The following ADAM17 variants were observed in gnomAD, a reference collection of about 807,000 sequenced individuals.
ADAM17 encodes disintegrin and metalloproteinase domain-containing protein 17.
A neutral mutation model predicts 96.7 loss-of-function variants in ADAM17; 39 were observed. The observed-to-expected ratio is 0.40, with a 90% CI of 0.31 to 0.53. The LOEUF (loss-of-function observed/expected upper bound fraction) is 0.53, where lower values mean the gene tolerates loss of function less well. ADAM17 is among the 20% of genes least tolerant of loss of function. The probability of loss-of-function intolerance (pLI) is 0.44; values close to 1 mark genes in which losing one functional copy is unlikely to be tolerated. For synonymous variants in ADAM17, 344 were observed against 359.2 expected, an observed-to-expected ratio of 0.96 and a Z score of 0.48; for missense variants, 777 against 1,013.2, an observed-to-expected ratio of 0.77 and a Z score of 3.17.
chr2:9,499,413 T>A (rs942876994), intron 13 of ADAM17, among the ~76,000 whole-genome samples: 4 of 152,164 alleles, frequency 2.6e-5, no homozygotes, highest in Admixed American at 6.5e-5. Context: ...TTTTTTGGTT[T>A]TTTTTTGAGA....
intron 2 of ADAM17, among the ~76,000 whole-genome samples, chr2:9,538,233 C>T (rs894855840): frequency 6.6e-6 from 1 of 152,134 alleles, no homozygotes; most frequent in African/African-American, 2.4e-5. Context: ...GTATATTATT[C>T]ATCTCACCCA....
chr2:9,512,959 C>T (rs1424055342), intron 10 of ADAM17, among the ~76,000 whole-genome samples: 2 of 152,060 alleles, frequency 1.3e-5, no homozygotes, highest in African/African-American at 4.8e-5. Flanking sequence ...TTCCAGACCT[C>T]GCCCTATGTA....
intron 1 of ADAM17, among the ~76,000 whole-genome samples, chr2:9,548,153 C>G (rs1244692959): frequency 6.6e-6 from 1 of 151,126 alleles, no homozygotes; most frequent in Non-Finnish European, 1.5e-5. Flanking sequence ...GCCAACGTGG[C>G]AAAACCCTGT....
At position 9,505,232 on chromosome 2, in the gene ADAM17, A is replaced by G; in HGVS notation, c.1478T>C (p.Ile493Thr). ...GCAGGTGTCGTTGTTCAGATACATG[A>G]TGCCAGGATCACACTCTTCTCCTTC... ...VDEGEECDPG[I>T]MYLNNDTCCN... The change falls in exon 12 of 19, where the codon ATC (isoleucine) becomes ACC (threonine). Residue 493 changes from isoleucine (I) to threonine (T), a missense_variant. Ile to Thr is a moderately conservative substitution (Grantham distance 89, BLOSUM62 -1). This residue lies in a region of ADAM17 where 446 missense variants were observed against 664.7 expected (regional missense o/e 0.67). Coordinates refer to ENST00000310823, the MANE Select transcript of ADAM17 (RefSeq NM_003183.6). 6.2e-7 allele frequency: 1 copy of G among 1,614,128 alleles called. No homozygotes were observed. Among genetic ancestry groups the G allele is most frequent in the South Asian group, 1.1e-5 (1 of 91,078 alleles).
chr2:9,513,318 A>G (rs1331306884), intron 10 of ADAM17, among the ~76,000 whole-genome samples: 1 of 152,184 alleles, frequency 6.6e-6, no homozygotes, highest in Non-Finnish European at 1.5e-5. Context: ...AAAATATCCT[A>G]TGTAATAAAC....
At chr2:9,552,634 T>C (rs1665619580) in intron 1 of ADAM17, among the ~76,000 whole-genome samples, 1 of 152,216 alleles carries the variant, frequency 6.6e-6, no homozygotes, top group Admixed American at 6.5e-5. Context: ...CTGTGACCTA[T>C]ATTTTTTCCT....
chr2:9,553,314 C>G (rs1380086484), intron 1 of ADAM17, among the ~76,000 whole-genome samples: 1 of 151,782 alleles, frequency 6.6e-6, no homozygotes, highest in African/African-American at 2.4e-5. Context: ...AGATGGATAT[C>G]GTCTGATCTT....
intron 14 of ADAM17, 97 bp downstream of exon 14, chr2:9,497,017 C>G (rs1454460163): frequency 6.5e-7 from 1 of 1,540,418 alleles, no homozygotes; most frequent in African/African-American, 1.4e-5. Context: ...GATCTCACCA[C>G]TGCTGTCATT....
Position 9,493,706 on chromosome 2 carries a change from T to C in ADAM17, c.1993+41A>G, listed in dbSNP as rs773744212. On this transcript the variant is annotated intron_variant, in intron 16 of 18. Coordinates refer to ENST00000310823, the MANE Select transcript of ADAM17 (RefSeq NM_003183.6). ...CACTTTTCTAATGTCATCACAGAAA[T>C]TGACTCAGCTCTCAGTAAGTAATCT... 18 of 1,542,646 alleles carry C rather than the reference T, an allele frequency of 1.2e-5. No homozygotes were observed. The African/African-American group carries it at 1.6e-4, about 14-fold the overall frequency.
intron 12 of ADAM17, among the ~76,000 whole-genome samples, chr2:9,502,911 C>T (rs1374823568): frequency 7.6e-6 from 1 of 132,268 alleles, no homozygotes; most frequent in African/African-American, 3.0e-5. Context: ...AAAGATGAGG[C>T]AGGTGGACCA....
At position 9,535,292 on chromosome 2, in the gene ADAM17, G is replaced by A. The variant is rs867531391; in HGVS notation, c.450+542C>T. Among the ~76,000 whole-genome samples the A allele has an allele frequency of 3.9e-5, 6 of 152,208 alleles. No individual in the cohort carries two copies. In the East Asian group the frequency reaches 5.8e-4, roughly 15 times the overall value. The stretch of plus-strand genomic sequence containing the variant: ...CTTCAATTCACAATTATGAGGAAAC[G>A]TTTTGTTTTGTAGACTAATATCTGA... On this transcript the variant is annotated intron_variant, in intron 4 of 18. Transcript: ENST00000310823.
intron 18 of ADAM17, 26 bp downstream of exon 18, chr2:9,491,075 A>ATGT (rs1181179230): frequency 6.2e-7 from 1 of 1,604,698 alleles, no homozygotes; most frequent in Non-Finnish European, 8.5e-7. Context: ...GGCGAAGATT[A>ATGT]TGTTTCTTTC....
At chr2:9,516,367 G>C (rs1239424297) in intron 10 of ADAM17, among the ~76,000 whole-genome samples, 1 of 152,162 alleles carries the variant, frequency 6.6e-6, no homozygotes, top group African/African-American at 2.4e-5. Context: ...GAAGATTATA[G>C]GAATGAGCCA....
chr2:9,553,510 C>G (rs1665646881), intron 1 of ADAM17, among the ~76,000 whole-genome samples: 1 of 151,582 alleles, frequency 6.6e-6, no homozygotes, highest in Non-Finnish European at 1.5e-5. Flanking sequence ...CCCATCTCTA[C>G]TAAAAATACA....
chr2:9,555,395 G>A (rs1281076338), intron 1 of ADAM17, 114 bp downstream of exon 1: 2 of 845,914 alleles, frequency 2.4e-6, no homozygotes, highest in Admixed American at 3.1e-5. Flanking sequence ...ACTTAGGGAC[G>A]CGCCACCATC....
At chr2:9,492,703 T>C (rs887311359) in intron 17 of ADAM17, among the ~76,000 whole-genome samples, 195 bp downstream of exon 17, 3 of 152,062 alleles carry the variant, frequency 2.0e-5, no homozygotes, top group Non-Finnish European at 2.9e-5. Context: ...CACACAAAAA[T>C]AGTATTTTTT....
At chr2:9,515,789 C>T (rs879775588) in intron 10 of ADAM17, among the ~76,000 whole-genome samples, 21 of 151,808 alleles carry the variant, frequency 1.4e-4, no homozygotes, top group Non-Finnish European at 2.6e-4. Context: ...AACTGCCTTC[C>T]AAAGTGGCTG....
chr2:9,493,838 A>AACAT lies in ADAM17; in HGVS notation c.1915-17_1915-14dup, dbSNP rs1662349744. 1 of 1,606,328 alleles carries AACAT rather than the reference A, an allele frequency of 6.2e-7. No individual in the cohort carries two copies. ...TCTCACATTTGCCCTATGAAGAAAA[A>AACAT]ACATACATACAGCATCATTCCCAAA... is the stretch of plus-strand genomic sequence containing the variant. On this transcript the variant is annotated splice_polypyrimidine_tract_variant and intron_variant, in intron 15 of 18. Coordinates refer to ENST00000310823, the MANE Select transcript of ADAM17 (RefSeq NM_003183.6).
intron 10 of ADAM17, 37 bp from the exon 11 acceptor site, chr2:9,510,168 A>T (rs537660719): frequency 6.2e-7 from 1 of 1,610,788 alleles, no homozygotes; most frequent in East Asian, 2.2e-5. Context: ...ATTTCTCAAT[A>T]TCCAGCCATC....
Sources: allele counts gnomAD v4.1 joint callset (sites outside exome capture counted in the v4.1 genomes callset), GRCh38; gene constraint gnomAD v4.1.1; regional missense constraint gnomAD v4.1.1; transcripts MANE v1.5; gene names NCBI Gene and HGNC (gene_info 2026-07-23, HGNC 2026-07-21).